Variants in ZFPM2 observed in about 807,000 individuals in gnomAD.
ZFPM2 encodes zinc finger protein, FOG family member 2.
Under a neutral mutation model 98.6 loss-of-function variants are expected in ZFPM2, and 20 were observed. The ratio of observed to expected loss-of-function variants is 0.20; its 90% confidence interval spans 0.14 to 0.29. The LOEUF is 0.29. Among genes scored for constraint, ZFPM2 ranks in the 10% least tolerant of loss-of-function variants. The pLI is 1.00. For missense variants in ZFPM2, 1,310 were observed against 1,388.6 expected, an observed-to-expected ratio of 0.94 and a Z score of 0.90; for synonymous variants, 518 against 502.7, an observed-to-expected ratio of 1.03 and a Z score of -0.41.
intron 3 of ZFPM2, among the ~76,000 whole-genome samples, chr8:105,460,599 G>A (rs1176413232): frequency 1.3e-5 from 2 of 152,056 alleles, no homozygotes; most frequent in African/African-American, 4.8e-5. Context: ...TCAGGCAATA[G>A]GCTTTTAAGA....
chr8:105,374,939 A>G lies in ZFPM2; in HGVS notation c.41-44205A>G, dbSNP rs572208294. Among the ~76,000 whole-genome samples, 14 of 152,070 alleles carry G rather than the reference A, an allele frequency of 9.2e-5. No homozygotes were observed. The East Asian group carries it at 2.5e-3, about 28-fold the overall frequency. ...CTAACTTCCATAGGTAAAATGAGGGATCTGTCCAAGACTACTCTGCAGGGA... is the reference window on the plus strand; with the variant it reads ...CTAACTTCCATAGGTAAAATGAGGGGTCTGTCCAAGACTACTCTGCAGGGA... On this transcript the variant is annotated intron_variant, in intron 1 of 7. Coordinates refer to ENST00000407775, the MANE Select transcript of ZFPM2 (RefSeq NM_012082.4).
chr8:105,474,760 C>T (rs1812979486), intron 3 of ZFPM2, among the ~76,000 whole-genome samples: 1 of 152,156 alleles, frequency 6.6e-6, no homozygotes, highest in Non-Finnish European at 1.5e-5. Flanking sequence ...TAAAACCATC[C>T]TATGATTAGG....
At chr8:105,588,172 G>C (rs773590307) in intron 4 of ZFPM2, among the ~76,000 whole-genome samples, 1 of 152,072 alleles carries the variant, frequency 6.6e-6, no homozygotes, top group Non-Finnish European at 1.5e-5. Context: ...ATATAAGCAA[G>C]ATAAGAATTG....
intron 1 of ZFPM2, among the ~76,000 whole-genome samples, chr8:105,319,189 G>C (rs945029283): frequency 6.6e-6 from 1 of 152,118 alleles, no homozygotes; most frequent in Non-Finnish European, 1.5e-5. Flanking sequence ...CAGGAGAGAG[G>C]CTGCGAGGAG....
intron 3 of ZFPM2, among the ~76,000 whole-genome samples, chr8:105,488,343 G>C (rs1813278997): frequency 6.6e-6 from 1 of 152,160 alleles, no homozygotes; most frequent in African/African-American, 2.4e-5. Flanking sequence ...CTTCAACCGT[G>C]CATTTCCATT....
intron 5 of ZFPM2, among the ~76,000 whole-genome samples, chr8:105,720,665 C>G (rs1811639095): frequency 6.6e-6 from 1 of 151,912 alleles, no homozygotes. Flanking sequence ...AGGAAAAACT[C>G]TGACTTCATT....
intron 5 of ZFPM2, among the ~76,000 whole-genome samples, chr8:105,685,343 A>G (rs1357447408): frequency 6.6e-6 from 1 of 152,118 alleles, no homozygotes; most frequent in East Asian, 1.9e-4. Context: ...GTAAATGGAA[A>G]ATGTATCAGA....
At chr8:105,385,330 A>G (rs1207506759) in intron 1 of ZFPM2, among the ~76,000 whole-genome samples, 3 of 152,186 alleles carry the variant, frequency 2.0e-5, no homozygotes, top group Admixed American at 6.5e-5. Context: ...ATTTCTGTCT[A>G]TTCTTAGTAG....
intron 3 of ZFPM2, among the ~76,000 whole-genome samples, chr8:105,522,537 C>T (rs1314510180): frequency 3.3e-5 from 5 of 151,988 alleles, no homozygotes; most frequent in Admixed American, 6.6e-5. Flanking sequence ...TTTGGGAGGA[C>T]GAGGTGGGCA....
At chr8:105,379,813 TG>T (rs1810808499) in intron 1 of ZFPM2, among the ~76,000 whole-genome samples, 2 of 151,502 alleles carry the variant, frequency 1.3e-5, no homozygotes, top group Admixed American at 1.3e-4. Context: ...CATGAACACA[TG>T]GTATAGACCA....
rs772903434 is a variant in ZFPM2, at chr8:105,803,255, C to T, written c.3173C>T (p.Pro1058Leu). ...LKQDERPAANPQQENISQNPQ... is the reference protein window; with the variant it reads ...LKQDERPAANLQQENISQNPQ... ...CAAGATGAGAGACCTGCTGCCAACC[C>T]ACAGCAAGAGAACATTTCCCAGAAT... The change falls in exon 8 of 8, where the codon CCA becomes CTA. Residue 1058 changes from proline to leucine, a missense_variant. Coordinates refer to ENST00000407775, the MANE Select transcript of ZFPM2 (RefSeq NM_012082.4). The T allele has an allele frequency of 1.2e-5, 19 of 1,602,286 alleles. No individual in the cohort carries two copies. Among genetic ancestry groups the T allele is most frequent in the Admixed American group, 1.7e-5 (1 of 58,900 alleles).
chr8:105,560,599 G>A (rs1191406272), intron 3 of ZFPM2, among the ~76,000 whole-genome samples: 1 of 147,932 alleles, frequency 6.8e-6, no homozygotes, highest in Non-Finnish European at 1.5e-5. Flanking sequence ...GAAATTTTGA[G>A]GCCCTCTTTT....
intron 1 of ZFPM2, among the ~76,000 whole-genome samples, chr8:105,321,292 C>A (rs1812020334): frequency 6.6e-6 from 1 of 152,090 alleles, no homozygotes; most frequent in South Asian, 2.1e-4. Context: ...TAGGTCTCTC[C>A]CCCCAGTTTT....
chr8:105,605,225 C>T (rs538027578), intron 4 of ZFPM2, among the ~76,000 whole-genome samples: 1 of 152,114 alleles, frequency 6.6e-6, no homozygotes, highest in Non-Finnish European at 1.5e-5. Flanking sequence ...ATCCTGACTT[C>T]ATCACTCTCT....
At chr8:105,325,091 A>T (rs894404358) in intron 1 of ZFPM2, among the ~76,000 whole-genome samples, 4 of 151,836 alleles carry the variant, frequency 2.6e-5, no homozygotes, top group Admixed American at 2.6e-4. Context: ...AACACTGCAG[A>T]TGTTTTTGAA....
At chr8:105,361,581 T>C (rs1339240993) in intron 1 of ZFPM2, among the ~76,000 whole-genome samples, 1 of 152,214 alleles carries the variant, frequency 6.6e-6, no homozygotes, top group African/African-American at 2.4e-5. Flanking sequence ...GTGCTAGTTA[T>C]TTATTGTTCT....
At chr8:105,561,609 G>T in intron 4 of ZFPM2, 128 bp downstream of exon 4, 5 of 744,836 alleles carry the variant, frequency 6.7e-6, no homozygotes, top group South Asian at 1.9e-5. Context: ...TTGCTTTTTC[G>T]TGGACAGCAA....
At chr8:105,623,146 C>T (rs966335030) in intron 4 of ZFPM2, among the ~76,000 whole-genome samples, 1 of 152,134 alleles carries the variant, frequency 6.6e-6, no homozygotes, top group Admixed American at 6.6e-5. Flanking sequence ...CTTTTGCCAA[C>T]TACTTTGCCA....
intron 5 of ZFPM2, among the ~76,000 whole-genome samples, chr8:105,738,014 G>GT (rs549309945): frequency 2.2e-3 from 334 of 151,742 alleles, no homozygotes; most frequent in Middle Eastern, 6.8e-3. Flanking sequence ...TTTTTTGATA[G>GT]TTTTTTTTGT....
Sources: gnomAD v4.1 joint callset for allele counts (sites outside exome capture counted in the v4.1 genomes callset) on GRCh38, gnomAD v4.1.1 for gene constraint, MANE v1.5 for transcripts, NCBI Gene and HGNC (gene_info 2026-07-23, HGNC 2026-07-21) for gene names.